Variants in CCAR1 observed in about 807,000 individuals in gnomAD.
CCAR1 encodes the protein cell division cycle and apoptosis regulator 1, also known as cell division cycle and apoptosis regulator protein 1.
Under a neutral mutation model 163.8 loss-of-function variants are expected in CCAR1, and 78 were observed. The observed-to-expected ratio is 0.48, with a 90% confidence interval of 0.40 to 0.57. The LOEUF (loss-of-function observed/expected upper bound fraction) is 0.57. CCAR1 is among the 20% of genes least tolerant of loss of function. The pLI is 0.00. For synonymous variants in CCAR1, 443 were observed against 460.7 expected (o/e 0.96, Z 0.49); for missense variants, 1,019 against 1,365.2 (o/e 0.75, Z 4.00).
chr10:68,788,722 G>A (rs2056822637), intron 23 of CCAR1, among the ~76,000 whole-genome samples: 1 of 151,986 alleles, frequency 6.6e-6, no homozygotes, highest in Non-Finnish European at 1.5e-5. Flanking sequence ...TGACCTCAAG[G>A]GATCACCCAC....
chr10:68,731,508 A>G (rs1358049532), intron 2 of CCAR1, among the ~76,000 whole-genome samples: 1 of 151,228 alleles, frequency 6.6e-6, no homozygotes, highest in Non-Finnish European at 1.5e-5. Flanking sequence ...TGAAGCAACT[A>G]CTCTACTGCA....
chr10:68,721,358 AG>A (rs1030843390), intron 1 of CCAR1, 76 bp downstream of exon 1: 26 of 268,130 alleles, frequency 9.7e-5, no homozygotes, highest in African/African-American at 6.2e-4. Flanking sequence ...AATCTGTGGA[AG>A]GGCCGGGAGC....
chr10:68,750,254 C>G (rs2056314861), intron 10 of CCAR1, among the ~76,000 whole-genome samples: 1 of 132,186 alleles, frequency 7.6e-6, no homozygotes, highest in Non-Finnish European at 1.6e-5. Context: ...CTTACTCTTT[C>G]ACCCAGGTTG....
At chr10:68,773,532 C>T (rs1259305858) in intron 19 of CCAR1, among the ~76,000 whole-genome samples, 2 of 152,006 alleles carry the variant, frequency 1.3e-5, no homozygotes, top group African/African-American at 4.8e-5. Flanking sequence ...GCGGTAGTGG[C>T]GCGTGCCTAT....
At chr10:68,790,769 G>A (rs2056844038) in intron 24 of CCAR1, among the ~76,000 whole-genome samples, 1 of 151,068 alleles carries the variant, frequency 6.6e-6, no homozygotes, top group Non-Finnish European at 1.5e-5. Context: ...AGCACTTTCG[G>A]AGGCCAAGGT....
intron 2 of CCAR1, among the ~76,000 whole-genome samples, chr10:68,729,324 C>T (rs564250795): frequency 8.7e-5 from 13 of 149,334 alleles, no homozygotes; most frequent in Middle Eastern, 3.5e-3. Flanking sequence ...TGCTGGAGTG[C>T]AGTGGCGCTA....
intron 10 of CCAR1, among the ~76,000 whole-genome samples, chr10:68,750,331 C>G (rs958535725): frequency 9.9e-5 from 15 of 151,146 alleles, no homozygotes; most frequent in Non-Finnish European, 2.1e-4. Context: ...AAGCTATTCT[C>G]CTGCCTCAGC....
intron 2 of CCAR1, among the ~76,000 whole-genome samples, chr10:68,723,421 A>T (rs769807782): frequency 6.6e-5 from 10 of 150,582 alleles, no homozygotes; most frequent in Non-Finnish European, 7.4e-5. Flanking sequence ...AAGCCACCGC[A>T]CCCGGCAGTT....
intron 2 of CCAR1, among the ~76,000 whole-genome samples, chr10:68,736,674 G>A (rs1262735425): frequency 6.6e-6 from 1 of 152,134 alleles, no homozygotes; most frequent in Non-Finnish European, 1.5e-5. Context: ...AGGCTGAATA[G>A]TATTCCCTTG....
rs1470190275 is a variant in CCAR1, at chr10:68,747,365, TA to T, written c.634-7del. ...TTTTTTTTCTTATTCTTTCATTTTT[TA>T]ATTGAAGAATCAGTCGCAAACCCAG... On this transcript the variant is annotated splice_region_variant and splice_polypyrimidine_tract_variant and intron_variant, in intron 7 of 24. Coordinates refer to ENST00000265872, the MANE Select transcript of CCAR1 (RefSeq NM_018237.4). The T allele has an allele frequency of 1.2e-6, 2 of 1,604,088 alleles. No individual in the cohort carries two copies. Among genetic ancestry groups the T allele is most frequent in the Non-Finnish European group, 1.7e-6 (2 of 1,176,156 alleles).
At chr10:68,728,122 C>T (rs988844814) in intron 2 of CCAR1, among the ~76,000 whole-genome samples, 22 of 152,148 alleles carry the variant, frequency 1.4e-4, no homozygotes, top group African/African-American at 5.1e-4. Context: ...CAGGTGTGAG[C>T]CACTGTGCCC....
intron 10 of CCAR1, among the ~76,000 whole-genome samples, chr10:68,753,003 A>G (rs900923308): frequency 2.6e-5 from 4 of 151,482 alleles, no homozygotes; most frequent in Non-Finnish European, 5.9e-5. Context: ...ATAGTCTGTT[A>G]ACTGACAGGT....
intron 4 of CCAR1, among the ~76,000 whole-genome samples, chr10:68,738,591 CTTTTATTTTTTTTTCTTTATT>C (rs1034017709): frequency 2.0e-5 from 3 of 151,550 alleles, no homozygotes; most frequent in African/African-American, 7.3e-5. Flanking sequence ...AGGCTTTCAG[CTTTTATTTTTTTTTCTTTATT>C]TTTTATTTTT....
intron 6 of CCAR1, among the ~76,000 whole-genome samples, chr10:68,744,403 T>C (rs1457887770): frequency 6.6e-6 from 1 of 152,222 alleles, no homozygotes; most frequent in Non-Finnish European, 1.5e-5. Flanking sequence ...AGTAGGTGGA[T>C]GGCTTGAGGC....
intron 3 of CCAR1, 21 bp from the exon 4 acceptor site, chr10:68,737,824 A>T: frequency 6.5e-7 from 1 of 1,543,794 alleles, no homozygotes; most frequent in Non-Finnish European, 8.8e-7. Flanking sequence ...TTCTTTGAAA[A>T]ATTTTTTTTT....
intron 19 of CCAR1, among the ~76,000 whole-genome samples, chr10:68,779,570 T>C (rs2133418884): frequency 6.6e-6 from 1 of 152,288 alleles, no homozygotes; most frequent in South Asian, 2.1e-4. Flanking sequence ...ATCTTTTTCT[T>C]ATCAAGTTAA....
chr10:68,741,591 C>A (rs1694502), intron 5 of CCAR1, among the ~76,000 whole-genome samples: 142,503 of 152,306 alleles, frequency 0.94, 66,772 homozygotes, highest in East Asian at 0.99. Context: ...TGTTAAAGCA[C>A]AACCTCTTTG....
rs562595139 is a variant in CCAR1 at position 68,774,090 on chromosome 10, C to T, written c.2650+991C>T. Among the ~76,000 whole-genome samples the T allele has an allele frequency of 3.3e-5, 5 of 152,104 alleles. No homozygotes were observed. The East Asian group carries it at 9.7e-4, about 30-fold the overall frequency. ...TATTTTTAGTAGAGATGGAGTTTCT[C>T]CATGTTGGTCAGGCTGGTCTCGAAC... On this transcript the variant is annotated intron_variant, in intron 19 of 24. Transcript: ENST00000265872.
intron 16 of CCAR1, among the ~76,000 whole-genome samples, 183 bp downstream of exon 16, chr10:68,761,375 C>T (rs2047427): frequency 0.099 from 15,096 of 152,106 alleles, 922 homozygotes; most frequent in South Asian, 0.16. Flanking sequence ...GGAGTGATCT[C>T]AGCTCACTGC....
Sources: allele counts gnomAD v4.1 joint callset (sites outside exome capture counted in the v4.1 genomes callset), GRCh38; gene constraint gnomAD v4.1.1; transcripts MANE v1.5; gene names NCBI Gene and HGNC (gene_info 2026-07-23, HGNC 2026-07-21).